Variants in WASF1 observed in about 807,000 individuals in gnomAD.
The protein encoded by WASF1 is actin-binding protein WASF1.
Under a neutral mutation model 50.5 loss-of-function variants are expected in WASF1, and 7 were observed. That is an observed-to-expected ratio of 0.14 (90% CI 0.08 to 0.26). WASF1 has a LOEUF of 0.26. WASF1 is among the 10% of genes least tolerant of loss of function. The pLI, the probability that WASF1 is intolerant of heterozygous loss-of-function variation, is 1.00. For synonymous variants in WASF1, 205 were observed against 244.0 expected (o/e 0.84, Z 1.49); for missense variants, 470 against 694.7 (o/e 0.68, Z 3.64).
rs1033066000 is a variant in WASF1, at chr6:110,148,854, C to T, written c.-29+11781G>A. ...ATGTGATAGTGATACAGAAGCATGTCAACTCAAGATATATTCTGGAGGTAG... is the reference window on the plus strand; with the variant it reads ...ATGTGATAGTGATACAGAAGCATGTTAACTCAAGATATATTCTGGAGGTAG... On this transcript the variant is annotated intron_variant, in intron 3 of 10. Coordinates refer to ENST00000392589, the MANE Select transcript of WASF1 (RefSeq NM_003931.3). Among the ~76,000 whole-genome samples, 17 of 152,088 alleles carry T rather than the reference C, an allele frequency of 1.1e-4. 1 individual carries two copies. The highest frequency in any genetic ancestry group is 3.4e-4 in the African/African-American group (14 of 41,404).
At chr6:110,107,599 T>C (rs1194347552) in intron 6 of WASF1, among the ~76,000 whole-genome samples, 1 of 152,196 alleles carries the variant, frequency 6.6e-6, no homozygotes, top group Non-Finnish European at 1.5e-5. Context: ...GATTTATTTA[T>C]TATCTTACTA....
intron 3 of WASF1, among the ~76,000 whole-genome samples, chr6:110,159,836 C>A (rs889065300): frequency 2.0e-5 from 3 of 151,830 alleles, no homozygotes; most frequent in Non-Finnish European, 4.4e-5. Flanking sequence ...TAAGTACCTA[C>A]ACGTGAAATT....
intron 7 of WASF1, 152 bp from the exon 8 acceptor site, chr6:110,105,731 C>A: frequency 1.3e-6 from 1 of 794,504 alleles, no homozygotes; most frequent in Non-Finnish European, 1.9e-6. Context: ...TTTACTTGTA[C>A]ATTCAGTTAA....
intron 2 of WASF1, among the ~76,000 whole-genome samples, chr6:110,178,049 TAATTA>T (rs1336292213): frequency 6.7e-6 from 1 of 150,284 alleles, no homozygotes; most frequent in East Asian, 1.9e-4. Context: ...CTAAAACAAG[TAATTA>T]AATACATGAT....
chr6:110,135,069 T>C (rs1272026435), intron 3 of WASF1, among the ~76,000 whole-genome samples: 2 of 152,230 alleles, frequency 1.3e-5, no homozygotes, highest in Non-Finnish European at 2.9e-5. Flanking sequence ...GTTTTCCTTG[T>C]AGAGGTCTTC....
intron 2 of WASF1, among the ~76,000 whole-genome samples, chr6:110,163,253 G>A (rs550250097): frequency 1.2e-3 from 176 of 151,716 alleles, no homozygotes; most frequent in Non-Finnish European, 2.0e-3. Context: ...GATACTCTAT[G>A]TTTGTGGATA....
At chr6:110,154,781 A>G (rs1210671139) in intron 3 of WASF1, among the ~76,000 whole-genome samples, 1 of 152,082 alleles carries the variant, frequency 6.6e-6, no homozygotes, top group African/African-American at 2.4e-5. Flanking sequence ...GATTTTAAAT[A>G]TTTTTCAGCC....
chr6:110,132,630 C>T (rs1774734260), intron 3 of WASF1, among the ~76,000 whole-genome samples: 2 of 151,596 alleles, frequency 1.3e-5, no homozygotes, highest in Admixed American at 1.3e-4. Context: ...TTTGGTGTAC[C>T]CATCACCCAA....
chr6:110,147,978 C>A (rs572537556), intron 3 of WASF1, among the ~76,000 whole-genome samples: 2 of 152,202 alleles, frequency 1.3e-5, no homozygotes, highest in East Asian at 3.9e-4. Context: ...AACTCCTGGG[C>A]TCAAGTAATC....
At chr6:110,145,575 A>G (rs1775517407) in intron 3 of WASF1, among the ~76,000 whole-genome samples, 1 of 152,186 alleles carries the variant, frequency 6.6e-6, no homozygotes, top group South Asian at 2.1e-4. Context: ...TTGTCCATTC[A>G]GTATGATATT....
intron 4 of WASF1, among the ~76,000 whole-genome samples, chr6:110,121,237 G>A (rs1231383766): frequency 6.6e-6 from 1 of 152,172 alleles, no homozygotes; most frequent in Admixed American, 6.5e-5. Flanking sequence ...ACTACCATCA[G>A]AGTGAACAGG....
At chr6:110,154,325 C>T (rs930255038) in intron 3 of WASF1, among the ~76,000 whole-genome samples, 2 of 152,000 alleles carry the variant, frequency 1.3e-5, no homozygotes, top group African/African-American at 2.4e-5. Context: ...TATGGAAACA[C>T]AGGACTTAAA....
intron 4 of WASF1, among the ~76,000 whole-genome samples, chr6:110,121,379 G>C (rs1472138652): frequency 1.3e-5 from 2 of 152,188 alleles, no homozygotes; most frequent in South Asian, 2.1e-4. Context: ...CAAAGGATAT[G>C]AACAGGCACT....
chr6:110,170,991 T>C (rs1387389685), intron 2 of WASF1, among the ~76,000 whole-genome samples: 1 of 152,166 alleles, frequency 6.6e-6, no homozygotes, highest in African/African-American at 2.4e-5. Flanking sequence ...TGATCACAGC[T>C]AGAGATATCA....
chr6:110,155,536 CTT>C (rs66645132), intron 3 of WASF1, among the ~76,000 whole-genome samples: 1,418 of 45,888 alleles, frequency 0.031, 4 homozygotes, highest in South Asian at 0.11. Context: ...AAAGTGCCTT[CTT>C]TTTTTTTTTT....
intron 4 of WASF1, among the ~76,000 whole-genome samples, chr6:110,121,976 T>C (rs781235743): frequency 5.3e-5 from 8 of 151,618 alleles, no homozygotes; most frequent in South Asian, 2.1e-4. Context: ...TAGGTGGGAA[T>C]TGAACAACAT....
intron 3 of WASF1, among the ~76,000 whole-genome samples, chr6:110,143,285 A>C (rs913599137): frequency 6.6e-6 from 1 of 152,034 alleles, no homozygotes; most frequent in Non-Finnish European, 1.5e-5. Flanking sequence ...TCTTTTAAGA[A>C]GGCAAGGAAA....
In WASF1 at chr6:110,122,187, T is replaced by C. The variant is rs987685769; in HGVS notation, c.133+5282A>G. ...TACCATAGAACTTAAAGTATCATAA[T>C]AAATAAGAAAGAAAGTAAAGAAGCA... is the stretch of plus-strand genomic sequence containing the variant. On this transcript the variant is annotated intron_variant, in intron 4 of 10. Transcript: ENST00000392589. Among the ~76,000 whole-genome samples the C allele has an allele frequency of 2.5e-4, 32 of 128,848 alleles. 1 individual carries two copies. The highest frequency in any genetic ancestry group is 2.5e-3 in the Admixed American group (32 of 13,014). 84.5% of individuals were successfully genotyped at this position (128,848 alleles called of 152,430 possible).
At chr6:110,139,300 G>A (rs141174681) in intron 3 of WASF1, among the ~76,000 whole-genome samples, 170 of 152,342 alleles carry the variant, frequency 1.1e-3, no homozygotes, top group African/African-American at 3.8e-3. Context: ...ACCACAGCCC[G>A]TGGCTGGGTG....
Sources: gnomAD v4.1 joint callset for allele counts (sites outside exome capture counted in the v4.1 genomes callset) on GRCh38, gnomAD v4.1.1 for gene constraint, MANE v1.5 for transcripts, NCBI Gene and HGNC (gene_info 2026-07-23, HGNC 2026-07-21) for gene names.